The following SHQ1 variants were observed in gnomAD, a reference collection of about 807,000 sequenced individuals.
The protein encoded by SHQ1 is protein SHQ1 homolog.
In SHQ1, 49 loss-of-function variants were observed where a neutral mutation model predicts 53.8. The observed-to-expected ratio is 0.91, with a 90% CI of 0.72 to 1.16. The LOEUF (loss-of-function observed/expected upper bound fraction) is 1.16. Among genes scored for constraint, SHQ1 ranks in the 50% most tolerant of loss-of-function variants. The pLI, the probability that SHQ1 is intolerant of heterozygous loss-of-function variation, is 0.00. For synonymous variants in SHQ1, 243 were observed against 251.0 expected (o/e 0.97, Z 0.30); for missense variants, 738 against 683.1 (o/e 1.08, Z -0.90).
At chr3:72,828,768 C>T (rs1013030874) in intron 5 of SHQ1, among the ~76,000 whole-genome samples, 7 of 151,980 alleles carry the variant, frequency 4.6e-5, no homozygotes, top group African/African-American at 9.7e-5. Context: ...TGGTGTAAAA[C>T]GTGAGCAGGG....
At chr3:72,846,284 G>A (rs1417811714) in intron 1 of SHQ1, 71 of 1,531,364 alleles carry the variant, frequency 4.6e-5, no homozygotes, top group Non-Finnish European at 6.0e-5. Flanking sequence ...CCTTGGTATA[G>A]CAAACTGTAT....
intron 10 of SHQ1, among the ~76,000 whole-genome samples, chr3:72,754,032 T>C (rs1015765781): frequency 1.3e-5 from 2 of 152,180 alleles, no homozygotes; most frequent in African/African-American, 4.8e-5. Flanking sequence ...CTAACTCTAA[T>C]ACTAGAAATA....
At chr3:72,779,319 C>G (rs999546328) in intron 10 of SHQ1, among the ~76,000 whole-genome samples, 1 of 152,146 alleles carries the variant, frequency 6.6e-6, no homozygotes, top group African/African-American at 2.4e-5. Flanking sequence ...TTCCTGAAGT[C>G]CACCACCTTT....
intron 9 of SHQ1, among the ~76,000 whole-genome samples, chr3:72,799,993 C>A (rs1350754117): frequency 6.6e-6 from 1 of 152,132 alleles, no homozygotes; most frequent in Non-Finnish European, 1.5e-5. Flanking sequence ...GTAGTGCTAC[C>A]ATTTGAATGC....
chr3:72,815,368 T>TG lies in SHQ1; in HGVS notation c.917dup (p.Thr307AsnfsTer6). On this transcript the variant is annotated frameshift_variant, in exon 8 of 11. Transcript: ENST00000325599. LOFTEE classifies it high-confidence loss of function. ...ATCATACCTCAAACCAGCATAGTGT[T>TG]GGACTCAGTTTCCTGATATTCCATG... 6.2e-7 allele frequency: 1 copy of TG among 1,613,572 alleles called. No homozygotes were observed.
At chr3:72,846,102 G>T in intron 1 of SHQ1, 1 of 1,037,398 alleles carries the variant, frequency 9.6e-7, no homozygotes, top group Non-Finnish European at 1.4e-6. Flanking sequence ...CTTAGTGGCC[G>T]GCACAACAGG....
intron 1 of SHQ1, among the ~76,000 whole-genome samples, chr3:72,846,698 T>C (rs1708341391): frequency 6.6e-6 from 1 of 152,178 alleles, no homozygotes; most frequent in African/African-American, 2.4e-5. Flanking sequence ...TGGGACTGTT[T>C]TGATGAATAC....
rs117791550 is a variant in SHQ1, at chr3:72,842,614, T to C, written c.209-212A>G. Among the ~76,000 whole-genome samples, 159 of 152,112 alleles carry C rather than the reference T, an allele frequency of 1.0e-3. 2 individuals are homozygous for C. The East Asian group carries it at 0.021, about 20-fold the overall frequency. ...TAATTAAAAGAAAAAAATAAATAAA[T>C]AAAATAGTCAAAGACTTCACAAATA... On this transcript the variant is annotated intron_variant, in intron 2 of 10. Transcript: ENST00000325599.
chr3:72,812,644 A>G, intron 9 of SHQ1, 27 bp downstream of exon 9: 1 of 1,608,170 alleles, frequency 6.2e-7, no homozygotes, highest in Non-Finnish European at 8.5e-7. Flanking sequence ...TTTCCCTCCC[A>G]AATTTGCAAG....
At chr3:72,834,794 T>C (rs746581444) in intron 4 of SHQ1, among the ~76,000 whole-genome samples, 1 of 152,208 alleles carries the variant, frequency 6.6e-6, no homozygotes, top group Non-Finnish European at 1.5e-5. Context: ...AGTGGAATCA[T>C]GCAGACTCTC....
the SHQ1 span, among the ~76,000 whole-genome samples, chr3:72,740,994 A>T: frequency 6.6e-6 from 1 of 152,124 alleles, no homozygotes; most frequent in Non-Finnish European, 1.5e-5. Context: ...TCCCAATTCA[A>T]ATTTCCGGGA....
At chr3:72,747,621 G>A (rs369689535), downstream of SHQ1, among the ~76,000 whole-genome samples, 3 of 152,196 alleles carry the variant, frequency 2.0e-5, no homozygotes, top group East Asian at 5.8e-4. Flanking sequence ...GAGCTCCAGA[G>A]AGGAGAGAGC....
At chr3:72,837,690 T>G (rs1170946185) in intron 4 of SHQ1, among the ~76,000 whole-genome samples, 1 of 152,214 alleles carries the variant, frequency 6.6e-6, no homozygotes, top group Non-Finnish European at 1.5e-5. Flanking sequence ...AGAAAAGATG[T>G]TCTAAAATCT....
chr3:72,798,009 T>G (rs1409622657), intron 9 of SHQ1, among the ~76,000 whole-genome samples: 2 of 152,186 alleles, frequency 1.3e-5, no homozygotes, highest in Non-Finnish European at 2.9e-5. Flanking sequence ...ACATGGCCGG[T>G]GGCCAGAAGC....
At chr3:72,746,441 G>T (rs1705260619), downstream of SHQ1, among the ~76,000 whole-genome samples, 1 of 152,132 alleles carries the variant, frequency 6.6e-6, no homozygotes, top group Admixed American at 6.5e-5. Context: ...GAGGTGTTTT[G>T]GGTTACTGAG....
chr3:72,808,182 A>G (rs1707011616), intron 9 of SHQ1, among the ~76,000 whole-genome samples: 1 of 152,126 alleles, frequency 6.6e-6, no homozygotes, highest in African/African-American at 2.4e-5. Context: ...TTAAGAGTCC[A>G]GACTTAAGGA....
At position 72,750,781 on chromosome 3, in the gene SHQ1, C is replaced by A; in HGVS notation, c.1237G>T (p.Ala413Ser). Reference protein sequence around the residue: ...EALKEVSLTKAQLGLELEELE... With the variant: ...EALKEVSLTKSQLGLELEELE... Reference sequence around the variant, plus strand: ...TCTTCCAGTTCTAACCCCAGCTGGGCCTTTGTAAGGGAGACTTCCTTTAAG... The same window carrying A: ...TCTTCCAGTTCTAACCCCAGCTGGGACTTTGTAAGGGAGACTTCCTTTAAG... Residue 413 changes from alanine to serine, a missense_variant, in exon 11 of 11, where the codon GCC (alanine) becomes TCC (serine). Coordinates refer to ENST00000325599, the MANE Select transcript of SHQ1 (RefSeq NM_018130.3). The A allele has an allele frequency of 6.4e-7, 1 of 1,551,152 alleles. No individual in the cohort carries two copies. Among genetic ancestry groups the A allele is most frequent in the Non-Finnish European group, 8.7e-7 (1 of 1,146,854 alleles).
At chr3:72,823,967 T>C (rs1047948224) in intron 6 of SHQ1, among the ~76,000 whole-genome samples, 5 of 152,216 alleles carry the variant, frequency 3.3e-5, no homozygotes, top group African/African-American at 1.2e-4. Context: ...ATAGTCTTAA[T>C]ATATCAATGC....
At chr3:72,844,829 C>A (rs560332916) in intron 1 of SHQ1, among the ~76,000 whole-genome samples, 1 of 152,194 alleles carries the variant, frequency 6.6e-6, no homozygotes, top group African/African-American at 2.4e-5. Flanking sequence ...GAGTCACAGT[C>A]AAAAAGCAGT....
Sources: gnomAD v4.1 joint callset for allele counts (sites outside exome capture counted in the v4.1 genomes callset) on GRCh38, gnomAD v4.1.1 for gene constraint, MANE v1.5 for transcripts, NCBI Gene and HGNC (gene_info 2026-07-23, HGNC 2026-07-21) for gene names.